Variants in KIF26B observed in about 807,000 individuals in gnomAD.
The protein encoded by KIF26B is kinesin-like protein KIF26B.
KIF26B carries 63 observed loss-of-function variants against 151.2 expected under a neutral mutation model. The ratio of observed to expected loss-of-function variants is 0.42; its 90% CI spans 0.34 to 0.51. The LOEUF (loss-of-function observed/expected upper bound fraction) is 0.51, where lower values mean the gene tolerates loss of function less well. Ranked by LOEUF, KIF26B falls within the 20% of genes least tolerant of loss-of-function variation. KIF26B has a pLI of 0.07. For synonymous variants in KIF26B, 1,357 were observed against 1,262.1 expected (o/e 1.08, Z -1.59); for missense variants, 2,813 against 2,913.6 (o/e 0.97, Z 0.79).
intron 3 of KIF26B, among the ~76,000 whole-genome samples, chr1:245,379,970 CAA>C (rs539877547): frequency 1.8e-4 from 15 of 82,716 alleles, no homozygotes; most frequent in Admixed American, 6.8e-4. Context: ...GACTCCGTCT[CAA>C]AAAAAAAAAA....
intron 2 of KIF26B, among the ~76,000 whole-genome samples, chr1:245,209,315 C>T (rs180737730): frequency 9.2e-5 from 14 of 152,070 alleles, no homozygotes; most frequent in South Asian, 2.1e-4. Flanking sequence ...GCAGGAGAAT[C>T]GCTTGAACCC....
At chr1:245,271,389 C>T (rs1298475909) in intron 2 of KIF26B, among the ~76,000 whole-genome samples, 1 of 152,052 alleles carries the variant, frequency 6.6e-6, no homozygotes. Context: ...AATCCATGTA[C>T]ATAGGATGTT....
At position 245,534,974 on chromosome 1, in the gene KIF26B, G is replaced by T. The variant is rs375852439; in HGVS notation, c.1167-5793G>T. 4.0e-4 allele frequency among the ~76,000 whole-genome samples: 61 copies of T among 151,902 alleles called. 2 individuals carry two copies. In the South Asian group the frequency reaches 0.012, roughly 30 times the overall value. On this transcript the variant is annotated intron_variant, in intron 4 of 14. Transcript: ENST00000407071. The stretch of plus-strand genomic sequence containing the variant: ...GTTTTTGGATTTTAGCTGAGATGGG[G>T]GTCTCACCATGTTGGTCAGGCTGGT...
chr1:245,574,711 T>A (rs2043099846), intron 5 of KIF26B, among the ~76,000 whole-genome samples: 3 of 152,140 alleles, frequency 2.0e-5, no homozygotes, highest in Admixed American at 2.0e-4. Context: ...ACGTTGTGAC[T>A]AACATCGTGG....
intron 4 of KIF26B, among the ~76,000 whole-genome samples, chr1:245,492,940 C>A (rs1352277508): frequency 1.3e-5 from 2 of 152,126 alleles, no homozygotes; most frequent in Middle Eastern, 3.4e-3. Context: ...CCCACCACAT[C>A]TGGCTAATTT....
At chr1:245,552,158 T>A (rs1661901277) in intron 5 of KIF26B, among the ~76,000 whole-genome samples, 1 of 145,942 alleles carries the variant, frequency 6.9e-6, no homozygotes, top group African/African-American at 2.8e-5. Context: ...TGTGTGTGTG[T>A]GTGTGTGTGT....
At chr1:245,446,075 A>C (rs1353735589) in intron 4 of KIF26B, among the ~76,000 whole-genome samples, 1 of 152,228 alleles carries the variant, frequency 6.6e-6, no homozygotes, top group Non-Finnish European at 1.5e-5. Flanking sequence ...CGAACATCAT[A>C]GAGTGCACTT....
At chr1:245,619,267 G>C (rs1398751968) in intron 9 of KIF26B, among the ~76,000 whole-genome samples, 3 of 151,810 alleles carry the variant, frequency 2.0e-5, no homozygotes, top group African/African-American at 7.3e-5. Context: ...TTGAGACAGA[G>C]TGCCACAGTG....
chr1:245,539,948 T>C (rs957369213), intron 4 of KIF26B, among the ~76,000 whole-genome samples: 5 of 152,156 alleles, frequency 3.3e-5, no homozygotes, highest in South Asian at 2.1e-4. Flanking sequence ...CCACCGTGCC[T>C]GGCCAAGATT....
intron 4 of KIF26B, among the ~76,000 whole-genome samples, chr1:245,490,894 G>T (rs1026668954): frequency 1.3e-5 from 2 of 152,180 alleles, no homozygotes; most frequent in Non-Finnish European, 2.9e-5. Flanking sequence ...TGATTTCCGT[G>T]TTTGTGAAAT....
intron 10 of KIF26B, among the ~76,000 whole-genome samples, chr1:245,681,634 G>A (rs1174850899): frequency 1.3e-5 from 2 of 152,134 alleles, no homozygotes; most frequent in African/African-American, 4.8e-5. Context: ...TAGTACATGA[G>A]GAAGCCATGG....
chr1:245,698,928 C>T lies in KIF26B; in HGVS notation c.6069C>T (p.His2023=). 2.5e-6 allele frequency: 4 copies of T among 1,614,010 alleles called. No homozygotes were observed. Among genetic ancestry groups the T allele is most frequent in the Non-Finnish European group, 3.4e-6 (4 of 1,179,890 alleles). The change falls in exon 14 of 15, where the codon CAC becomes CAT. Residue 2023 remains histidine, a synonymous_variant. Coordinates refer to ENST00000407071, the MANE Select transcript of KIF26B (RefSeq NM_018012.4). This position sits in a 1 kb window ranked among gnomAD's most constrained non-coding sequence, Gnocchi z 4.0. ...CFNAKLKILE[H]RQQRIAEVRA... Reference sequence around the variant, plus strand: ...ATGCAAAGCTGAAGATTCTGGAACACCGCCAGCAGAGGATCGCCGAGGTCC... The same window carrying T: ...ATGCAAAGCTGAAGATTCTGGAACATCGCCAGCAGAGGATCGCCGAGGTCC...
chr1:245,474,769 C>T (rs1558180828), intron 4 of KIF26B, among the ~76,000 whole-genome samples: 1 of 151,886 alleles, frequency 6.6e-6, no homozygotes, highest in Admixed American at 6.5e-5. Flanking sequence ...CACTAAACAA[C>T]TTCTCTTCGT....
At chr1:245,385,986 C>G (rs574459245) in intron 3 of KIF26B, among the ~76,000 whole-genome samples, 1 of 152,104 alleles carries the variant, frequency 6.6e-6, no homozygotes, top group Non-Finnish European at 1.5e-5. Context: ...AGCTATTAAC[C>G]GGTGCAGAGA....
chr1:245,485,180 C>G (rs1363735665), intron 4 of KIF26B, among the ~76,000 whole-genome samples: 1 of 151,912 alleles, frequency 6.6e-6, no homozygotes, highest in Non-Finnish European at 1.5e-5. Context: ...TTCATGCAGA[C>G]AGAAATAGTG....
At chr1:245,390,942 A>AAAAAAAAAAAACAAAACAAAAC (rs1673678668) in intron 3 of KIF26B, among the ~76,000 whole-genome samples, 1 of 145,268 alleles carries the variant, frequency 6.9e-6, no homozygotes, top group African/African-American at 2.6e-5. Flanking sequence ...AAAAAAAAAA[A>AAAAAAAAAAAACAAAACAAAAC]AAAAAAAAAA....
chr1:245,303,464 C>G (rs1304819957), intron 2 of KIF26B, among the ~76,000 whole-genome samples: 1 of 152,110 alleles, frequency 6.6e-6, no homozygotes, highest in Non-Finnish European at 1.5e-5. Flanking sequence ...TCCCAAAGTG[C>G]TGGGATTACA....
intron 2 of KIF26B, among the ~76,000 whole-genome samples, chr1:245,355,625 GA>G (rs1672678980): frequency 6.6e-6 from 1 of 150,532 alleles, no homozygotes; most frequent in African/African-American, 2.5e-5. Flanking sequence ...AGAAGAAGAA[GA>G]AAGAATTTAA....
chr1:245,534,786 C>CT (rs58406934), intron 4 of KIF26B, among the ~76,000 whole-genome samples: 12,016 of 143,576 alleles, frequency 0.084, 540 homozygotes, highest in African/African-American at 0.11. Flanking sequence ...TTTACCTTTT[C>CT]TTTTTTTTTT....
Sources: gnomAD v4.1 joint callset for allele counts (sites outside exome capture counted in the v4.1 genomes callset) on GRCh38, gnomAD v4.1.1 for gene constraint, Gnocchi (gnomAD v3.1) non-coding constraint, MANE v1.5 for transcripts, NCBI Gene and HGNC (gene_info 2026-07-23, HGNC 2026-07-21) for gene names.